LINC00632: variants seen among roughly 807,000 people sequenced by gnomAD.
LINC00632 encodes long independently transcribed non-coding RNA 632, also known as ALDOA related specific transcript.
At chrX:140,758,001 A>G (rs1931523384) in intron 3 of LINC00632, among the ~76,000 whole-genome samples, 1 of 111,716 alleles carries the variant, frequency 9.0e-6, no homozygotes. Context: ...GTGTTATTTT[A>G]TAAAGAACCG....
Position 140,755,656 on chromosome X carries a change from T to A in LINC00632, n.192-16422T>A, listed in dbSNP as rs770987523. 2.7e-5 allele frequency among the ~76,000 whole-genome samples: 3 copies of A among 112,201 alleles called. No homozygotes were observed. The East Asian group carries it at 8.4e-4, about 31-fold the overall frequency. Reference sequence around the variant, plus strand: ...TTGTGAAAGTATATGCTTACAGAATTGCCCTCTGTTTGGGTCAGTCTAAAG... The same window carrying A: ...TTGTGAAAGTATATGCTTACAGAATAGCCCTCTGTTTGGGTCAGTCTAAAG... On this transcript the variant is annotated intron_variant and non_coding_transcript_variant, in intron 3 of 4. Transcript: ENST00000648200.
chrX:140,719,034 A>C (rs1008781386), intron 2 of LINC00632, among the ~76,000 whole-genome samples: 1 of 111,998 alleles, frequency 8.9e-6, no homozygotes, highest in African/African-American at 3.3e-5. Context: ...ACTTGACTAC[A>C]ATTAACAGAC....
exon 5 of LINC00632, among the ~76,000 whole-genome samples, chrX:140,787,806 C>A (rs1359374574): frequency 3.6e-5 from 4 of 110,557 alleles, no homozygotes; most frequent in African/African-American, 6.6e-5. Flanking sequence ...ACAAAAAATA[C>A]GTATAATATT....
At chrX:140,778,491 G>A (rs1931899032) in exon 5 of LINC00632, among the ~76,000 whole-genome samples, 1 of 110,474 alleles carries the variant, frequency 9.1e-6, no homozygotes, top group African/African-American at 3.3e-5. Context: ...TGTAACTCCA[G>A]CTACTGGTAA....
intron 4 of LINC00632, among the ~76,000 whole-genome samples, chrX:140,774,355 A>G (rs746995062): frequency 8.9e-6 from 1 of 112,347 alleles, no homozygotes; most frequent in African/African-American, 3.2e-5. Flanking sequence ...GTAGTAATAA[A>G]CTTCCAAACA....
chrX:140,779,475 G>A (rs1931908925), exon 5 of LINC00632, among the ~76,000 whole-genome samples: 1 of 111,675 alleles, frequency 9.0e-6, no homozygotes, highest in Non-Finnish European at 1.9e-5. Context: ...AAAAGCTTGC[G>A]TGAACAAGGT....
At chrX:140,748,263 A>G (rs1416982679) in intron 3 of LINC00632, among the ~76,000 whole-genome samples, 1 of 112,352 alleles carries the variant, frequency 8.9e-6, no homozygotes, top group Admixed American at 9.5e-5. Flanking sequence ...ACCCCAAAAG[A>G]AGCCACCTCA....
intron 3 of LINC00632, among the ~76,000 whole-genome samples, chrX:140,762,290 G>A (rs942730509): frequency 9.3e-6 from 1 of 107,492 alleles, no homozygotes; most frequent in African/African-American, 3.5e-5. Context: ...ACTTGGTAAA[G>A]TACTGATTGG....
At chrX:140,750,785 C>G (rs918020361) in intron 3 of LINC00632, among the ~76,000 whole-genome samples, 1 of 110,509 alleles carries the variant, frequency 9.0e-6, no homozygotes, top group Non-Finnish European at 1.9e-5. Flanking sequence ...CACATCCTTT[C>G]CCGGTGAGTC....
chrX:140,723,143 A>G (rs894469266), intron 2 of LINC00632, among the ~76,000 whole-genome samples: 45 of 101,478 alleles, frequency 4.4e-4, no homozygotes, highest in African/African-American at 1.6e-3. Flanking sequence ...GAAAACATAC[A>G]GAACAACTTT....
At chrX:140,748,209 C>A (rs188425684) in intron 3 of LINC00632, among the ~76,000 whole-genome samples, 10 of 112,109 alleles carry the variant, frequency 8.9e-5, no homozygotes, top group Admixed American at 7.6e-4. Flanking sequence ...TGATCCTTTA[C>A]AGATAAACAA....
At chrX:140,720,570 T>C (rs1053293476) in intron 2 of LINC00632, among the ~76,000 whole-genome samples, 4 of 112,046 alleles carry the variant, frequency 3.6e-5, no homozygotes, top group Admixed American at 1.9e-4. Flanking sequence ...CGCTGGACAA[T>C]ACAGACACTT....
chrX:140,762,378 A>C (rs1319479014), intron 3 of LINC00632, among the ~76,000 whole-genome samples: 1 of 112,233 alleles, frequency 8.9e-6, no homozygotes, highest in Non-Finnish European at 1.9e-5. Context: ...ATTAGAAGTC[A>C]TGAAAAGCAG....
intron 3 of LINC00632, among the ~76,000 whole-genome samples, chrX:140,736,587 C>G (rs1181960284): frequency 9.3e-6 from 1 of 107,526 alleles, no homozygotes; most frequent in Non-Finnish European, 1.9e-5. Flanking sequence ...CAGGTGCCCT[C>G]CATCACGCCC....
At chrX:140,754,072 C>G (rs952617314) in intron 3 of LINC00632, among the ~76,000 whole-genome samples, 11 of 111,899 alleles carry the variant, frequency 9.8e-5, no homozygotes, top group Admixed American at 1.9e-4. Context: ...CCGCGTCCGG[C>G]TAGCTCCTAT....
At chrX:140,786,486 C>T (rs974005470) in exon 5 of LINC00632, among the ~76,000 whole-genome samples, 2 of 111,466 alleles carry the variant, frequency 1.8e-5, no homozygotes, top group African/African-American at 6.5e-5. Context: ...AGCCTTGTGA[C>T]TTAAATAAAA....
chrX:140,725,097 TACAC>T (rs751906675), intron 2 of LINC00632, among the ~76,000 whole-genome samples: 1 of 20,116 alleles, frequency 5.0e-5, no homozygotes, highest in Non-Finnish European at 1.1e-4. Flanking sequence ...ACACATTTGA[TACAC>T]ACACACATTC....
chrX:140,722,455 A>G (rs192691645), intron 2 of LINC00632, among the ~76,000 whole-genome samples: 1 of 108,693 alleles, frequency 9.2e-6, no homozygotes, highest in African/African-American at 3.4e-5. Flanking sequence ...ACACATATTT[A>G]CCCCCCAGCA....
exon 5 of LINC00632, among the ~76,000 whole-genome samples, chrX:140,785,609 C>T (rs1428691331): frequency 2.7e-5 from 3 of 112,259 alleles, no homozygotes; most frequent in African/African-American, 9.7e-5. Flanking sequence ...TGTTTGTATG[C>T]ACAGCTTTTA....
Sources: allele counts gnomAD v4.1 joint callset (sites outside exome capture counted in the v4.1 genomes callset), GRCh38; gene constraint gnomAD v4.1.1; transcripts MANE v1.5; gene names NCBI Gene and HGNC (gene_info 2026-07-23, HGNC 2026-07-21).